Variants in SPX observed in about 807,000 individuals in gnomAD.
SPX encodes spexin.
Under a neutral mutation model 19.2 loss-of-function variants are expected in SPX, and 22 were observed. The ratio of observed to expected loss-of-function variants is 1.15; its 90% CI spans 0.82 to 1.64. The LOEUF is 1.64. SPX is among the 40% of genes most tolerant of loss of function. SPX has a pLI of 0.00. For missense variants in SPX, 143 were observed against 137.7 expected (o/e 1.04, Z -0.19); for synonymous variants, 50 against 53.3 (o/e 0.94, Z 0.27).
intron 4 of SPX, chr12:21,528,101 G>C (rs997729906): frequency 2.7e-6 from 1 of 364,410 alleles, no homozygotes; most frequent in African/African-American, 2.1e-5. Context: ...CTGGCTGCCA[G>C]GGTGTGCAGA....
intron 1 of SPX, 43 bp from the exon 2 acceptor site, chr12:21,526,843 A>G (rs1591768010): frequency 6.4e-7 from 1 of 1,560,340 alleles, no homozygotes. Flanking sequence ...AGAAGATCCT[A>G]TTGGCACAGA....
intron 4 of SPX, 132 bp from the exon 5 acceptor site, chr12:21,528,869 A>AAGT (rs1943838489): frequency 1.3e-6 from 1 of 758,064 alleles, no homozygotes; most frequent in Non-Finnish European, 2.2e-6. Context: ...TCTTCTGTGT[A>AAGT]AGTAGTCCTT....
intron 3 of SPX, chr12:21,527,453 C>T (rs1022430270): frequency 3.4e-6 from 2 of 596,936 alleles, no homozygotes; most frequent in East Asian, 2.8e-5. Flanking sequence ...ACTCGGGTTG[C>T]CTGGGAAATA....
intron 4 of SPX, 102 bp from the exon 5 acceptor site, chr12:21,528,899 A>G: frequency 5.7e-6 from 6 of 1,057,040 alleles, no homozygotes; most frequent in Admixed American, 1.9e-5. Flanking sequence ...GTCAAAATCT[A>G]TTTCATAGAG....
At chr12:21,526,504 G>A in intron 1 of SPX, 26 bp downstream of exon 1, 1 of 1,585,798 alleles carries the variant, frequency 6.3e-7, no homozygotes, top group Non-Finnish European at 8.6e-7. Context: ...ATTAACTTGA[G>A]ACTTCTTAGC....
intron 2 of SPX, 38 bp downstream of exon 2, chr12:21,527,004 G>A (rs762711867): frequency 1.9e-6 from 3 of 1,593,350 alleles, no homozygotes; most frequent in Non-Finnish European, 2.6e-6. Flanking sequence ...AAAACAATGC[G>A]CACTGTGTGT....
intron 3 of SPX, 170 bp from the exon 4 acceptor site, chr12:21,527,557 C>A: frequency 1.4e-6 from 1 of 692,426 alleles, no homozygotes; most frequent in Non-Finnish European, 2.5e-6. Context: ...TGGCTCAGCC[C>A]GGGGTTGCGC....
chr12:21,529,142 G>T, intron 5 of SPX, 58 bp downstream of exon 5: 1 of 1,544,290 alleles, frequency 6.5e-7, no homozygotes, highest in Non-Finnish European at 8.9e-7. Context: ...TTACTTTCGG[G>T]ATTCTGTGTT....
rs777348124 is a variant in SPX at position 21,528,973 on chromosome 12, G to T, written c.209-28G>T. The T allele has an allele frequency of 9.5e-6, 15 of 1,572,808 alleles. No individual in the cohort carries two copies. The East Asian group carries it at 2.7e-4, about 28-fold the overall frequency. ...CTACATCAATATATAAATGCTAAGAGAATCTGTATACATTTTTGTTTCTGC... is the reference window on the plus strand; with the variant it reads ...CTACATCAATATATAAATGCTAAGATAATCTGTATACATTTTTGTTTCTGC... On this transcript the variant is annotated intron_variant, in intron 4 of 5. Transcript: ENST00000256969.
Position 21,526,871 on chromosome 12 carries a change from G to C in SPX, c.7-15G>C. ...GGCACAGAAATGACCCTTTCTGGTT[G>C]ATCGCTTCATATAGGGACTCAGAAG... On this transcript the variant is annotated splice_polypyrimidine_tract_variant and intron_variant, in intron 1 of 5. Transcript: ENST00000256969. 1.9e-6 allele frequency: 3 copies of C among 1,612,942 alleles called. No individual in the cohort carries two copies. Among genetic ancestry groups the C allele is most frequent in the Non-Finnish European group, 2.5e-6 (3 of 1,179,012 alleles).
intron 4 of SPX, chr12:21,528,027 G>A (rs1943831690): frequency 5.7e-6 from 3 of 527,696 alleles, no homozygotes; most frequent in Admixed American, 3.3e-5. Flanking sequence ...TGGTGGCAAG[G>A]GCGGCCCAGG....
rs1943825685 is a variant in SPX, at chr12:21,527,529, C to G, written c.146-198C>G. 2.7e-5 allele frequency: 17 copies of G among 634,174 alleles called. No homozygotes were observed. The South Asian group carries it at 2.8e-4, about 10-fold the overall frequency. 39.3% of individuals were successfully genotyped at this position (634,174 alleles called of 1,614,324 possible). A position where few individuals can be genotyped will look rare whatever the true frequency, so the allele number is the denominator to read the frequency against. On this transcript the variant is annotated intron_variant, in intron 3 of 5. Transcript: ENST00000256969. ...GTCCGGTCAGGCGCGGGGCTTTCCT[C>G]CAGAGCTCCAGGGCCCCTGGCTCAG...
chr12:21,526,881 T>C lies in SPX; in HGVS notation c.7-5T>C. ...TGACCCTTTCTGGTTGATCGCTTCA[T>C]ATAGGGACTCAGAAGTCTGGCAGCA... is the stretch of plus-strand genomic sequence containing the variant. On this transcript the variant is annotated splice_region_variant and splice_polypyrimidine_tract_variant and intron_variant, in intron 1 of 5. Transcript: ENST00000256969. The C allele has an allele frequency of 6.2e-7, 1 of 1,613,946 alleles. No individual in the cohort carries two copies.
intron 3 of SPX, chr12:21,527,500 C>A (rs1224958728): frequency 1.6e-6 from 1 of 609,374 alleles, no homozygotes; most frequent in Non-Finnish European, 2.9e-6. Flanking sequence ...AGCGCCCTTG[C>A]GGCGTCCGGT....
intron 4 of SPX, 77 bp downstream of exon 4, chr12:21,527,866 T>A (rs1943829853): frequency 6.8e-7 from 1 of 1,472,594 alleles, no homozygotes; most frequent in African/African-American, 1.4e-5. Context: ...TGCTCCGCGC[T>A]GGTGCCGAAA....
At chr12:21,528,025 AG>A in intron 4 of SPX, 1 of 526,818 alleles carries the variant, frequency 1.9e-6, no homozygotes, top group South Asian at 2.3e-5. Flanking sequence ...AATGGTGGCA[AG>A]GGCGGCCCAG....
intron 5 of SPX, 121 bp from the exon 6 acceptor site, chr12:21,531,016 C>T: frequency 3.0e-6 from 2 of 660,314 alleles, no homozygotes; most frequent in South Asian, 1.9e-5. Context: ...GTAGCAGAGT[C>T]CATAAGTTAA....
chr12:21,527,787 C>A lies in SPX; in HGVS notation c.206C>A (p.Pro69Gln), dbSNP rs1565586415. Residue 69 changes from proline to glutamine, a missense_variant and splice_region_variant, in exon 4 of 6, where the codon CCG becomes CAG. Coordinates refer to ENST00000256969, the MANE Select transcript of SPX (RefSeq NM_030572.4). ...AAGGACCTCTCCGACCGGCCACTGC[C>A]GGGTGAGTGACCAAGGGTGCAAGGG... is the stretch of plus-strand genomic sequence containing the variant. ...RRKDLSDRPL[P>Q]ERRSPNPQLL... 4 of 1,570,766 alleles carry A rather than the reference C, an allele frequency of 2.5e-6. No homozygotes were observed. The African/African-American group carries it at 4.0e-5, about 16-fold the overall frequency.
chr12:21,526,966 G>A lies in SPX; in HGVS notation c.87G>A (p.Gln29=), dbSNP rs1253871297. Residue 29 remains glutamine (Q), a splice_region_variant and synonymous_variant, in exon 2 of 6, where the codon CAG becomes CAA. Coordinates refer to ENST00000256969, the MANE Select transcript of SPX (RefSeq NM_030572.4). ...VFLGNSSCAP[Q]RLLERRNWTP... The stretch of plus-strand genomic sequence containing the variant: ...TGGGAAACTCCAGCTGCGCTCCGCA[G>A]GTAATCAAATGCAAAATAAAAAATT... 13 of 1,613,932 alleles carry A rather than the reference G, an allele frequency of 8.1e-6. No individual in the cohort carries two copies. The highest frequency in any genetic ancestry group is 1.7e-5 in the Admixed American group (1 of 60,012).
Sources: allele counts gnomAD v4.1 joint callset, GRCh38; gene constraint gnomAD v4.1.1; transcripts MANE v1.5; gene names NCBI Gene and HGNC (gene_info 2026-07-23, HGNC 2026-07-21).